The following GGACT variants were observed in gnomAD, a reference collection of about 807,000 sequenced individuals.
The protein encoded by GGACT is gamma-glutamylamine cyclotransferase.
For synonymous variants in GGACT, 118 were observed against 115.3 expected (o/e 1.02, Z -0.15); for missense variants, 241 against 233.2 (o/e 1.03, Z -0.22).
At chr13:100,568,182 C>T (rs572307582) in intron 2 of GGACT, among the ~76,000 whole-genome samples, 39 of 152,350 alleles carry the variant, frequency 2.6e-4, no homozygotes, top group African/African-American at 9.1e-4. Flanking sequence ...CAATTTCTAC[C>T]AATCCCACTT....
At position 100,531,916 on chromosome 13, in the gene GGACT, A is replaced by T; in HGVS notation, c.*214T>A. 1 of 423,708 alleles carries T rather than the reference A, an allele frequency of 2.4e-6. No homozygotes were observed. The highest frequency in any genetic ancestry group is 1.0e-4 in the South Asian group (1 of 9,780). 26.2% of individuals were successfully genotyped at this position (423,708 alleles called of 1,614,324 possible). On this transcript the variant is annotated 3_prime_UTR_variant, in exon 3 of 3. Transcript: ENST00000683975. ...TGTCATTTAGGGGAGTTAAAATCCT[A>T]AATTTTTCTTACCAGGTAGAAAGAT... is the stretch of plus-strand genomic sequence containing the variant.
chr13:100,532,646 C>G, intron 2 of GGACT, 45 bp from the exon 3 acceptor site: 3 of 1,441,106 alleles, frequency 2.1e-6, no homozygotes, highest in East Asian at 2.5e-5. Flanking sequence ...AGTGGGAGCT[C>G]TGTGTCTGCA....
At chr13:100,587,919 G>A (rs969872124) in intron 1 of GGACT, among the ~76,000 whole-genome samples, 6 of 152,124 alleles carry the variant, frequency 3.9e-5, no homozygotes, top group African/African-American at 7.2e-5. Context: ...CCAGCTACCC[G>A]GGAGACTGAG....
At chr13:100,572,806 C>T (rs1471015046) in intron 2 of GGACT, among the ~76,000 whole-genome samples, 1 of 152,172 alleles carries the variant, frequency 6.6e-6, no homozygotes, top group African/African-American at 2.4e-5. Flanking sequence ...ATGAACTGTG[C>T]TGCAGGTACA....
At chr13:100,569,731 A>G (rs1295569770) in intron 2 of GGACT, among the ~76,000 whole-genome samples, 1 of 152,136 alleles carries the variant, frequency 6.6e-6, no homozygotes, top group Non-Finnish European at 1.5e-5. Context: ...CTTTTCTATC[A>G]CATTGTCAGG....
chr13:100,532,803 G>C (rs759919923), intron 2 of GGACT, among the ~76,000 whole-genome samples: 2 of 152,224 alleles, frequency 1.3e-5, no homozygotes, highest in African/African-American at 2.4e-5. Flanking sequence ...TTGACTTTCG[G>C]CCATTTAAAC....
Position 100,531,001 on chromosome 13 carries a change from C to T in GGACT, c.*1129G>A, listed in dbSNP as rs778179474. On this transcript the variant is annotated 3_prime_UTR_variant, in exon 3 of 3. Transcript: ENST00000683975. The stretch of plus-strand genomic sequence containing the variant: ...AGCAAAAGAAGCTAAAAATAATGAT[C>T]ATGTTTTTGTGCCAGATGCAGTTAG... The T allele has an allele frequency of 6.6e-6, 1 of 152,174 alleles. No homozygotes were observed. Among genetic ancestry groups the T allele is most frequent in the Non-Finnish European group, 1.5e-5 (1 of 68,068 alleles). 9.4% of individuals were successfully genotyped at this position (152,174 alleles called of 1,614,324 possible). A position where few individuals can be genotyped will look rare whatever the true frequency, so the allele number is the denominator to read the frequency against.
At chr13:100,536,796 C>T (rs1179526612) in intron 2 of GGACT, 1 of 152,310 alleles carries the variant, frequency 6.6e-6, no homozygotes, top group Non-Finnish European at 1.5e-5. Flanking sequence ...GCCACCTCAC[C>T]ACCACTCAGC....
chr13:100,586,670 C>T (rs1261078083), intron 1 of GGACT: 2 of 152,402 alleles, frequency 1.3e-5, no homozygotes, highest in Non-Finnish European at 2.9e-5. Context: ...TCCTGGCCCT[C>T]CAGTGAGCAC....
intron 2 of GGACT, among the ~76,000 whole-genome samples, chr13:100,543,783 A>G (rs1405512728): frequency 6.6e-6 from 1 of 152,234 alleles, no homozygotes; most frequent in Admixed American, 6.5e-5. Flanking sequence ...CCAGGGAGAA[A>G]TAGTATCAGA....
At chr13:100,582,162 C>T (rs1022342437) in intron 2 of GGACT, among the ~76,000 whole-genome samples, 30 of 152,142 alleles carry the variant, frequency 2.0e-4, no homozygotes, top group Non-Finnish European at 1.2e-4. Flanking sequence ...CCTTTAAGTA[C>T]CATTTTTCAC....
chr13:100,541,236 A>G (rs1280447612), intron 2 of GGACT, among the ~76,000 whole-genome samples: 1 of 152,208 alleles, frequency 6.6e-6, no homozygotes, highest in Non-Finnish European at 1.5e-5. Context: ...AGCATCAGGA[A>G]AGGCAACCTC....
chr13:100,554,313 A>G (rs2088694076), intron 2 of GGACT, among the ~76,000 whole-genome samples: 1 of 152,218 alleles, frequency 6.6e-6, no homozygotes, highest in Admixed American at 6.5e-5. Context: ...CTATTGCAGA[A>G]AAGTTAAATG....
Position 100,532,019 on chromosome 13 carries a change from G to A in GGACT, c.*111C>T, listed in dbSNP as rs1355410486. 3 of 673,804 alleles carry A rather than the reference G, an allele frequency of 4.5e-6. No homozygotes were observed. Among genetic ancestry groups the A allele is most frequent in the Non-Finnish European group, 4.5e-6 (2 of 448,930 alleles). The allele number at this position is 673,804 out of a possible 1,614,324, so 41.7% of individuals were successfully genotyped here. A position where few individuals can be genotyped will look rare whatever the true frequency, so the allele number is the denominator to read the frequency against. On this transcript the variant is annotated 3_prime_UTR_variant, in exon 3 of 3. Transcript: ENST00000683975. ...GCCACTGAAAGATTGGTTCCTTTCCGGCAGATTCATTGGAAAGGGCCCTGT... is the reference window on the plus strand; with the variant it reads ...GCCACTGAAAGATTGGTTCCTTTCCAGCAGATTCATTGGAAAGGGCCCTGT...
In GGACT at chr13:100,531,428, G is replaced by A. The variant is rs1275749800; in HGVS notation, c.*702C>T. On this transcript the variant is annotated 3_prime_UTR_variant, in exon 3 of 3. Coordinates refer to ENST00000683975, the MANE Select transcript of GGACT (RefSeq NM_001195087.2). The stretch of plus-strand genomic sequence containing the variant: ...CAGATAAACTTCCACTTGAAGTCCG[G>A]GCGCTCAGCTGTGTCTACCAGCAAG... 2.0e-5 allele frequency: 3 copies of A among 152,184 alleles called. No individual in the cohort carries two copies. The highest frequency in any genetic ancestry group is 4.4e-5 in the Non-Finnish European group (3 of 68,036). The allele number at this position is 152,184 out of a possible 1,614,324, so 9.4% of individuals were successfully genotyped here.
At position 100,532,456 on chromosome 13, in the gene GGACT, C is replaced by A; in HGVS notation, c.136G>T (p.Gly46Trp). Reference protein sequence around the residue: ...TLEPYPLVIAGEHNIPWLLHL... With the variant: ...TLEPYPLVIAWEHNIPWLLHL... ...AGCAGCCACGGGATGTTGTGCTCCC[C>A]CGCGATCACCAACGGGTAGGGCTCC... Residue 46 changes from glycine to tryptophan, a missense_variant, in exon 3 of 3, where the codon GGG becomes TGG. By Grantham distance (184) the Gly-to-Trp change is radical. Transcript: ENST00000683975. 6.5e-7 allele frequency: 1 copy of A among 1,549,794 alleles called. No homozygotes were observed. The highest frequency in any genetic ancestry group is 1.2e-5 in the South Asian group (1 of 84,050).
chr13:100,578,771 A>G (rs1368356775), intron 2 of GGACT: 2 of 152,238 alleles, frequency 1.3e-5, no homozygotes, highest in Admixed American at 1.3e-4. Context: ...CAAAGCAGGC[A>G]GTTATGATTA....
rs188791117 is a variant in GGACT, at chr13:100,559,434, C to T, written c.-11+24391G>A. 2.6e-5 allele frequency among the ~76,000 whole-genome samples: 4 copies of T among 151,714 alleles called. 1 individual carries two copies. The highest frequency in any genetic ancestry group is 3.9e-4 in the East Asian group (2 of 5,114). ...TCTCCTGACCTCAGGTGATCTACCC[C>T]CCTCGGCCTCCCAATGTGCTGGGAT... On this transcript the variant is annotated intron_variant, in intron 2 of 2. Transcript: ENST00000683975.
intron 2 of GGACT, among the ~76,000 whole-genome samples, chr13:100,546,207 A>T (rs1421829190): frequency 6.6e-6 from 1 of 151,838 alleles, no homozygotes; most frequent in Non-Finnish European, 1.5e-5. Context: ...AAAAATACAA[A>T]AAAAATTAGC....
Sources: gnomAD v4.1 joint callset for allele counts (sites outside exome capture counted in the v4.1 genomes callset) on GRCh38, gnomAD v4.1.1 for gene constraint, MANE v1.5 for transcripts, NCBI Gene and HGNC (gene_info 2026-07-23, HGNC 2026-07-21) for gene names.